LIPM: variants seen among roughly 807,000 people sequenced by gnomAD.
LIPM encodes lipase member M.
Under a neutral mutation model 42.4 loss-of-function variants are expected in LIPM, and 42 were observed. The observed-to-expected ratio is 0.99, with a 90% CI of 0.77 to 1.28. The LOEUF (loss-of-function observed/expected upper bound fraction) is 1.28, where lower values mean the gene tolerates loss of function less well. Ranked by LOEUF, LIPM falls within the 50% of genes most tolerant of loss-of-function variation. The probability of loss-of-function intolerance (pLI) is 0.00; values close to 1 mark genes in which losing one functional copy is unlikely to be tolerated. For synonymous variants in LIPM, 177 were observed against 173.3 expected (o/e 1.02, Z -0.17); for missense variants, 524 against 520.1 (o/e 1.01, Z -0.07).
intron 6 of LIPM, 87 bp downstream of exon 6, chr10:88,815,590 T>G: frequency 8.6e-7 from 1 of 1,159,748 alleles, no homozygotes; most frequent in Non-Finnish European, 1.2e-6. Flanking sequence ...CTAATGCCAG[T>G]GAAGACTCAG....
At chr10:88,811,624 T>C (rs934423365) in intron 2 of LIPM, among the ~76,000 whole-genome samples, 2 of 152,226 alleles carry the variant, frequency 1.3e-5, no homozygotes, top group South Asian at 2.1e-4. Flanking sequence ...ATTCTTTATT[T>C]TGATATAATT....
At chr10:88,816,926 G>A (rs998259796) in intron 7 of LIPM, 39 bp downstream of exon 7, 1 of 1,427,490 alleles carries the variant, frequency 7.0e-7, no homozygotes. Flanking sequence ...TAAATGTCCT[G>A]TTATATTTTG....
At chr10:88,803,674 A>G (rs1340216434) in intron 1 of LIPM, among the ~76,000 whole-genome samples, 1 of 146,062 alleles carries the variant, frequency 6.8e-6, no homozygotes, top group Non-Finnish European at 1.5e-5. Context: ...GGTTTTAGTA[A>G]TGGTCACCCT....
At chr10:88,805,987 GC>G in intron 1 of LIPM, 1 of 456,504 alleles carries the variant, frequency 2.2e-6, no homozygotes, top group Middle Eastern at 3.2e-4. Context: ...AGATGACCAG[GC>G]CTTTAGACCG....
In LIPM at chr10:88,813,212, G is replaced by A. The variant is rs1160492908; in HGVS notation, c.381G>A (p.Val127=). 4.3e-6 allele frequency: 7 copies of A among 1,613,680 alleles called. No homozygotes were observed. The African/African-American group carries it at 8.0e-5, about 18-fold the overall frequency. ...TTCTGGCAGATGCTGGTTTTGACGT[G>A]TGGATGGGGAACAGCAGGGGAAACG... The part of the protein sequence containing the change: ...GFILADAGFD[V]WMGNSRGNAW... Residue 127 remains valine, a synonymous_variant, in exon 3 of 9, where the codon GTG becomes GTA. Coordinates refer to ENST00000404743, the MANE Select transcript of LIPM (RefSeq NM_001128215.1).
rs148819143 is a variant in LIPM at position 88,803,910 on chromosome 10, G to T, written c.147+867G>T. 5.8e-4 allele frequency among the ~76,000 whole-genome samples: 88 copies of T among 152,126 alleles called. 1 individual carries two copies. Among genetic ancestry groups the T allele is most frequent in the Middle Eastern group, 3.4e-3 (1 of 294 alleles). On this transcript the variant is annotated intron_variant, in intron 1 of 8. Transcript: ENST00000404743. ...CAAAGTCTATAATTATAAATACTAC[G>T]CAATAAACCCTCCCAGGTGAGAAAG...
Position 88,802,832 on chromosome 10 carries a change from A to T in LIPM, c.-65A>T. On this transcript the variant is annotated 5_prime_UTR_variant, in exon 1 of 9. Transcript: ENST00000404743. ...ATATGTGAAGAGTTTTTAAACCCAC[A>T]AATTCTTCTTACTTTAGAATTAGTT... 1 of 1,469,956 alleles carries T rather than the reference A, an allele frequency of 6.8e-7. No individual in the cohort carries two copies. 91.1% of individuals were successfully genotyped at this position (1,469,956 alleles called of 1,614,324 possible). A position where few individuals can be genotyped will look rare whatever the true frequency, so the allele number is the denominator to read the frequency against.
At chr10:88,816,964 G>A in intron 7 of LIPM, 77 bp downstream of exon 7, 3 of 1,049,100 alleles carry the variant, frequency 2.9e-6, no homozygotes, top group Non-Finnish European at 2.9e-6. Flanking sequence ...ACACCATTTA[G>A]ATAAGCCAGG....
chr10:88,807,622 C>T (rs1226293683), intron 1 of LIPM, among the ~76,000 whole-genome samples: 13 of 152,104 alleles, frequency 8.5e-5, no homozygotes, highest in Admixed American at 8.5e-4. Context: ...GAATGCAAAA[C>T]CATGTTTTTG....
chr10:88,811,933 T>C (rs1388283254), intron 2 of LIPM, among the ~76,000 whole-genome samples: 1 of 152,206 alleles, frequency 6.6e-6, no homozygotes. Flanking sequence ...AGTGTTTAAT[T>C]CGTAGTCTAT....
intron 8 of LIPM, 133 bp from the exon 9 acceptor site, chr10:88,820,099 A>G (rs1047134161): frequency 1.5e-6 from 1 of 670,494 alleles, no homozygotes; most frequent in Non-Finnish European, 2.5e-6. Flanking sequence ...TTCTTAACAG[A>G]GTTGTGTGGC....
At chr10:88,813,020 T>C (rs1018353134) in intron 2 of LIPM, 77 bp from the exon 3 acceptor site, 1 of 1,241,566 alleles carries the variant, frequency 8.1e-7, no homozygotes, top group African/African-American at 1.5e-5. Context: ...TTGTTTGATT[T>C]GAAAGCTCTT....
At position 88,814,598 on chromosome 10, in the gene LIPM, A is replaced by G. The variant is rs1843695671; in HGVS notation, c.533A>G (p.Glu178Gly). 1 of 1,552,016 alleles carries G rather than the reference A, an allele frequency of 6.4e-7. No homozygotes were observed. The highest frequency in any genetic ancestry group is 1.4e-5 in the African/African-American group (1 of 73,140). The change falls in exon 4 of 9, where the codon GAA becomes GGA. Residue 178 changes from glutamate to glycine, a missense_variant. Coordinates refer to ENST00000404743, the MANE Select transcript of LIPM (RefSeq NM_001128215.1). ...INFILQKTGQ[E>G]KIYYVGYSQG... is the part of the protein sequence containing the mutation. Reference sequence around the variant, plus strand: ...TTTATTTTGCAGAAAACGGGCCAGGAAAAGATCTATTATGTCGGCTATTCA... The same window carrying G: ...TTTATTTTGCAGAAAACGGGCCAGGGAAAGATCTATTATGTCGGCTATTCA...
Position 88,815,550 on chromosome 10 carries a change from G to T in LIPM, c.858+47G>T, listed in dbSNP as rs752975955. 3.9e-6 allele frequency: 6 copies of T among 1,526,996 alleles called. No individual in the cohort carries two copies. The highest frequency in any genetic ancestry group is 5.3e-6 in the Non-Finnish European group (6 of 1,128,724). The allele number at this position is 1,526,996 out of a possible 1,614,324, so 94.6% of individuals were successfully genotyped here. On this transcript the variant is annotated intron_variant, in intron 6 of 8. Transcript: ENST00000404743. ...TCCCAGCATCCCAGCATAAAGCTGG[G>T]AGTCATATGGCTCACCCCTGGAGGG...
chr10:88,813,645 A>G (rs1487815444), intron 3 of LIPM, among the ~76,000 whole-genome samples: 1 of 152,082 alleles, frequency 6.6e-6, no homozygotes, highest in Non-Finnish European at 1.5e-5. Context: ...ATTAAAAAAA[A>G]AGAAAGGAAA....
chr10:88,813,377 G>C (rs1470445692), intron 3 of LIPM, 82 bp downstream of exon 3: 61 of 1,184,554 alleles, frequency 5.1e-5, no homozygotes, highest in Non-Finnish European at 7.1e-5. Context: ...TCTAGTATTT[G>C]GTTGATTTAT....
At chr10:88,820,122 G>A (rs886776340) in intron 8 of LIPM, 110 bp from the exon 9 acceptor site, 1 of 865,242 alleles carries the variant, frequency 1.2e-6, no homozygotes, top group Non-Finnish European at 1.7e-6. Flanking sequence ...TAACACCCAT[G>A]TACCCTTCAC....
chr10:88,802,732 A>G lies in LIPM; in HGVS notation c.-165A>G. The G allele has an allele frequency of 1.6e-6, 1 of 641,260 alleles. No homozygotes were observed. The highest frequency in any genetic ancestry group is 2.7e-6 in the Non-Finnish European group (1 of 376,372). The allele number at this position is 641,260 out of a possible 1,614,324, so 39.7% of individuals were successfully genotyped here. On this transcript the variant is annotated 5_prime_UTR_variant, in exon 1 of 9. Coordinates refer to ENST00000404743, the MANE Select transcript of LIPM (RefSeq NM_001128215.1). Reference sequence around the variant, plus strand: ...ACATCCTAGGCAATGTTTCCAGCCTACTTTGTGTTCTTTCCCTACCAACTA... The same window carrying G: ...ACATCCTAGGCAATGTTTCCAGCCTGCTTTGTGTTCTTTCCCTACCAACTA...
chr10:88,817,012 C>A, intron 7 of LIPM, 125 bp downstream of exon 7: 1 of 726,088 alleles, frequency 1.4e-6, no homozygotes, highest in South Asian at 1.7e-5. Flanking sequence ...AATGCAGTAT[C>A]GTCGATGCTA....
Sources: allele counts gnomAD v4.1 joint callset (sites outside exome capture counted in the v4.1 genomes callset), GRCh38; gene constraint gnomAD v4.1.1; transcripts MANE v1.5; gene names NCBI Gene and HGNC (gene_info 2026-07-23, HGNC 2026-07-21).